Variants in RABGAP1L observed in about 807,000 individuals in gnomAD.
The protein encoded by RABGAP1L is RAB GTPase activating protein 1 like.
A neutral mutation model predicts 137.7 loss-of-function variants in RABGAP1L; 63 were observed. The ratio of observed to expected loss-of-function variants is 0.46; its 90% CI spans 0.37 to 0.56. The LOEUF is 0.56. Among genes scored for constraint, RABGAP1L ranks in the 20% least tolerant of loss-of-function variants. The pLI is 0.00. For missense variants in RABGAP1L, 1,095 were observed against 1,244.0 expected (o/e 0.88, Z 1.80); for synonymous variants, 431 against 433.7 (o/e 0.99, Z 0.08).
At chr1:174,756,541 A>G (rs1161469605) in intron 18 of RABGAP1L, among the ~76,000 whole-genome samples, 1 of 152,120 alleles carries the variant, frequency 6.6e-6, no homozygotes, top group Non-Finnish European at 1.5e-5. Flanking sequence ...CTGCCAAAAA[A>G]GGAGCCAAAT....
At chr1:174,871,288 C>A (rs969201417) in intron 19 of RABGAP1L, among the ~76,000 whole-genome samples, 1 of 152,026 alleles carries the variant, frequency 6.6e-6, no homozygotes, top group African/African-American at 2.4e-5. Context: ...CATATGCCAC[C>A]ACGCCTAGAT....
At chr1:174,244,121 G>A (rs1260852397) in intron 5 of RABGAP1L, among the ~76,000 whole-genome samples, 2 of 152,070 alleles carry the variant, frequency 1.3e-5, no homozygotes, top group African/African-American at 4.8e-5. Flanking sequence ...CGGTTGTCTG[G>A]TTCCCAGAAG....
rs1661293047 is a variant in RABGAP1L at position 174,501,715 on chromosome 1, G to A, written c.1710+107570G>A. Among the ~76,000 whole-genome samples the A allele has an allele frequency of 2.0e-5, 3 of 152,014 alleles. No individual in the cohort carries two copies. In the South Asian group the frequency reaches 6.2e-4, roughly 31 times the overall value. On this transcript the variant is annotated intron_variant, in intron 13 of 25. Coordinates refer to ENST00000681986, the MANE Select transcript of RABGAP1L (RefSeq NM_001366446.1). Reference sequence around the variant, plus strand: ...TACTTTTTGTTTTTTTAAAGAGATAGTATCTTTTTATTAACATTTTTTTAA... The same window carrying A: ...TACTTTTTGTTTTTTTAAAGAGATAATATCTTTTTATTAACATTTTTTTAA...
chr1:174,399,676 G>A (rs1419266759), intron 13 of RABGAP1L, among the ~76,000 whole-genome samples: 1 of 152,070 alleles, frequency 6.6e-6, no homozygotes, highest in Non-Finnish European at 1.5e-5. Context: ...AGTTTCACAG[G>A]GCTGGGAGGC....
chr1:174,524,238 A>G (rs939760430), intron 13 of RABGAP1L, among the ~76,000 whole-genome samples: 1 of 151,746 alleles, frequency 6.6e-6, no homozygotes, highest in Non-Finnish European at 1.5e-5. Context: ...ACCGTTTTCC[A>G]TAGTGGTTGT....
intron 21 of RABGAP1L, among the ~76,000 whole-genome samples, chr1:174,971,278 AATAT>A (rs925427681): frequency 1.3e-5 from 2 of 150,944 alleles, no homozygotes; most frequent in African/African-American, 4.8e-5. Context: ...AATACTAAAT[AATAT>A]ATATAACTTT....
At chr1:174,500,930 A>G (rs370189243) in intron 13 of RABGAP1L, among the ~76,000 whole-genome samples, 5 of 152,214 alleles carry the variant, frequency 3.3e-5, no homozygotes, top group African/African-American at 1.2e-4. Context: ...TGCCGCTGAC[A>G]TTAAAGACCA....
intron 12 of RABGAP1L, among the ~76,000 whole-genome samples, chr1:174,383,099 CTCGGGGG>C (rs1440997648): frequency 6.6e-6 from 1 of 151,050 alleles, no homozygotes; most frequent in Admixed American, 6.6e-5. Flanking sequence ...AGTTAGGCTG[CTCGGGGG>C]TCAGGGGTCA....
chr1:174,738,440 C>T (rs1683127770), intron 17 of RABGAP1L, among the ~76,000 whole-genome samples: 1 of 152,050 alleles, frequency 6.6e-6, no homozygotes, highest in Non-Finnish European at 1.5e-5. Flanking sequence ...CTTCTCTTAC[C>T]TTGTAAAATA....
intron 19 of RABGAP1L, among the ~76,000 whole-genome samples, chr1:174,814,278 T>C (rs1375780101): frequency 6.6e-6 from 1 of 152,172 alleles, no homozygotes; most frequent in Non-Finnish European, 1.5e-5. Context: ...TTTAATAAGA[T>C]TTCAATAATT....
intron 20 of RABGAP1L, chr1:174,958,180 T>C (rs1261405619): frequency 7.1e-7 from 1 of 1,416,386 alleles, no homozygotes; most frequent in Non-Finnish European, 9.3e-7. Flanking sequence ...AAAGGTATAT[T>C]GAGCACAGTA....
chr1:174,309,088 C>G (rs779887556), intron 11 of RABGAP1L, among the ~76,000 whole-genome samples: 9 of 151,954 alleles, frequency 5.9e-5, no homozygotes, highest in Non-Finnish European at 1.0e-4. Flanking sequence ...AGATCTTTCA[C>G]CTCATGGGTT....
At chr1:174,500,180 A>G (rs1301620501) in intron 13 of RABGAP1L, among the ~76,000 whole-genome samples, 2 of 152,044 alleles carry the variant, frequency 1.3e-5, no homozygotes, top group Admixed American at 1.3e-4. Flanking sequence ...CCCGGGTTCA[A>G]GCGATTCTCC....
Position 174,221,161 on chromosome 1 carries a change from A to G in RABGAP1L, c.328A>G (p.Thr110Ala). ...SLQLILDPSNTEISTPRPSSP... is the reference protein window; with the variant it reads ...SLQLILDPSNAEISTPRPSSP... ...TCAGTTAATTTTGGATCCGTCTAAC[A>G]CAGGTACTGTATTGAATTCTTAGAA... Residue 110 changes from threonine (T) to alanine (A), a missense_variant, in exon 3 of 26, where the codon ACA (threonine) becomes GCA (alanine). Thr to Ala is a moderately conservative substitution (Grantham distance 58). Coordinates refer to ENST00000681986, the MANE Select transcript of RABGAP1L (RefSeq NM_001366446.1). 4 of 1,586,684 alleles carry G rather than the reference A, an allele frequency of 2.5e-6. No homozygotes were observed. The highest frequency in any genetic ancestry group is 3.4e-6 in the Non-Finnish European group (4 of 1,166,158).
chr1:174,174,380 C>T (rs1571369750), intron 1 of RABGAP1L, among the ~76,000 whole-genome samples: 1 of 152,076 alleles, frequency 6.6e-6, no homozygotes. Context: ...AATATATGTC[C>T]TGTATAGTAT....
chr1:174,329,976 C>G (rs1257323105), intron 11 of RABGAP1L, among the ~76,000 whole-genome samples: 3 of 151,168 alleles, frequency 2.0e-5, no homozygotes, highest in African/African-American at 7.3e-5. Context: ...AAAACTTTTT[C>G]TCTGATTTCT....
intron 10 of RABGAP1L, among the ~76,000 whole-genome samples, chr1:174,287,140 C>T (rs778752224): frequency 4.3e-4 from 65 of 152,126 alleles, no homozygotes; most frequent in Admixed American, 9.2e-4. Flanking sequence ...ATAAAGTCCC[C>T]TTTATTATTA....
intron 18 of RABGAP1L, among the ~76,000 whole-genome samples, chr1:174,791,190 C>CAA (rs369764170): frequency 2.7e-4 from 28 of 102,674 alleles, no homozygotes; most frequent in East Asian, 7.6e-4. Context: ...GACTCCATCT[C>CAA]AAAAAAAAAA....
chr1:174,691,506 T>C (rs1678876120), intron 15 of RABGAP1L, among the ~76,000 whole-genome samples: 1 of 152,206 alleles, frequency 6.6e-6, no homozygotes, highest in Non-Finnish European at 1.5e-5. Flanking sequence ...CAATTATGCA[T>C]GTGAGGCAGG....
Sources: allele counts gnomAD v4.1 joint callset (sites outside exome capture counted in the v4.1 genomes callset), GRCh38; gene constraint gnomAD v4.1.1; transcripts MANE v1.5; gene names NCBI Gene and HGNC (gene_info 2026-07-23, HGNC 2026-07-21).